PTPRD: variants seen among roughly 807,000 people sequenced by gnomAD.
PTPRD encodes the protein receptor-type tyrosine-protein phosphatase delta.
PTPRD carries 34 observed loss-of-function variants against 214.5 expected under a neutral mutation model. That is an observed-to-expected ratio of 0.16 (90% CI 0.12 to 0.21). The LOEUF is 0.21. Among genes scored for constraint, PTPRD ranks in the 10% least tolerant of loss-of-function variants. The probability of loss-of-function intolerance (pLI) is 1.00; values close to 1 mark genes in which losing one functional copy is unlikely to be tolerated. For missense variants in PTPRD, 2,545 were observed against 2,398.7 expected (o/e 1.06, Z -1.27); for synonymous variants, 1,128 against 845.7 (o/e 1.33, Z -5.79).
At chr9:10,379,444 G>C (rs1279871632) in intron 2 of PTPRD, among the ~76,000 whole-genome samples, 1 of 151,824 alleles carries the variant, frequency 6.6e-6, no homozygotes, top group African/African-American at 2.4e-5. Context: ...TTGCATTCCA[G>C]ATCTTAGAGG....
At chr9:9,406,396 T>C (rs944063997) in intron 8 of PTPRD, among the ~76,000 whole-genome samples, 1 of 151,826 alleles carries the variant, frequency 6.6e-6, no homozygotes, top group African/African-American at 2.4e-5. Flanking sequence ...ATTAAGAAAG[T>C]AAGAGATAGA....
intron 2 of PTPRD, among the ~76,000 whole-genome samples, chr9:10,559,451 A>T: frequency 6.6e-6 from 1 of 152,174 alleles, no homozygotes; most frequent in East Asian, 1.9e-4. Flanking sequence ...TTTTAAAATT[A>T]TTTTTTGTTT....
chr9:8,981,748 T>C (rs2099313860), intron 11 of PTPRD, among the ~76,000 whole-genome samples: 1 of 152,038 alleles, frequency 6.6e-6, no homozygotes, highest in Admixed American at 6.6e-5. Flanking sequence ...AGATAATATA[T>C]GTGACTATAC....
At chr9:9,800,386 A>C (rs2099031310) in intron 5 of PTPRD, among the ~76,000 whole-genome samples, 2 of 152,190 alleles carry the variant, frequency 1.3e-5, no homozygotes, top group African/African-American at 4.8e-5. Flanking sequence ...ATCTGTATTT[A>C]ATATTTCATA....
intron 9 of PTPRD, among the ~76,000 whole-genome samples, chr9:9,313,914 T>C (rs936816239): frequency 1.3e-5 from 2 of 152,156 alleles, no homozygotes; most frequent in African/African-American, 4.8e-5. Context: ...AGCATGCACA[T>C]GTGGAAACAA....
intron 12 of PTPRD, among the ~76,000 whole-genome samples, chr9:8,671,586 C>CA (rs1461237078): frequency 6.6e-6 from 1 of 152,036 alleles, no homozygotes; most frequent in African/African-American, 2.4e-5. Flanking sequence ...TGTACCTAGC[C>CA]AAATATTTTA....
At chr9:9,398,932 A>C (rs558269019) in intron 8 of PTPRD, among the ~76,000 whole-genome samples, 4 of 152,114 alleles carry the variant, frequency 2.6e-5, no homozygotes, top group Admixed American at 1.3e-4. Context: ...CTCCTAGCCA[A>C]CTATGCTAGA....
chr9:9,918,369 A>AAC (rs2081553337), intron 5 of PTPRD, among the ~76,000 whole-genome samples: 3 of 144,982 alleles, frequency 2.1e-5, no homozygotes, highest in Admixed American at 6.9e-5. Flanking sequence ...AAAAAAAAAA[A>AAC]ACTCCACAAT....
chr9:8,994,231 T>G (rs1306884860), intron 11 of PTPRD, among the ~76,000 whole-genome samples: 1 of 152,116 alleles, frequency 6.6e-6, no homozygotes, highest in African/African-American at 2.4e-5. Context: ...TTAATTTGAC[T>G]TTGCATTCGT....
chr9:9,109,809 G>T (rs931126449), intron 10 of PTPRD, among the ~76,000 whole-genome samples: 4 of 152,090 alleles, frequency 2.6e-5, no homozygotes, highest in Non-Finnish European at 5.9e-5. Flanking sequence ...GCCTAGATAT[G>T]GTGGCCTTCT....
At position 8,504,527 on chromosome 9, in the gene PTPRD, A is replaced by G. The variant is rs2097496211; in HGVS notation, c.1678-122T>C. Reference sequence around the variant, plus strand: ...TATAATCTCATCAAAATATCACCAAAAGAGTCAATAGTGAGTATCCAGGGC... The same window carrying G: ...TATAATCTCATCAAAATATCACCAAGAGAGTCAATAGTGAGTATCCAGGGC... On this transcript the variant is annotated intron_variant, in intron 22 of 45. Transcript: ENST00000381196. 4 of 1,129,948 alleles carry G rather than the reference A, an allele frequency of 3.5e-6. No individual in the cohort carries two copies. In the South Asian group the frequency reaches 5.9e-5, roughly 17 times the overall value. 70.0% of individuals were successfully genotyped at this position (1,129,948 alleles called of 1,614,324 possible).
intron 3 of PTPRD, among the ~76,000 whole-genome samples, chr9:10,188,366 TGTAAA>T (rs1279001254): frequency 6.6e-6 from 1 of 152,148 alleles, no homozygotes; most frequent in African/African-American, 2.4e-5. Flanking sequence ...AGAAATTACT[TGTAAA>T]GTAATCTGAA....
At chr9:9,175,165 G>A (rs1278887590) in intron 10 of PTPRD, among the ~76,000 whole-genome samples, 1 of 152,084 alleles carries the variant, frequency 6.6e-6, no homozygotes, top group African/African-American at 2.4e-5. Context: ...CCCAGTCTAA[G>A]GTAATTTCTT....
At chr9:8,717,777 T>C (rs1307617615) in intron 12 of PTPRD, among the ~76,000 whole-genome samples, 1 of 152,210 alleles carries the variant, frequency 6.6e-6, no homozygotes, top group Non-Finnish European at 1.5e-5. Flanking sequence ...ATCACCGTTT[T>C]ACCGGACAAG....
chr9:9,110,229 T>C (rs1330868628), intron 10 of PTPRD, among the ~76,000 whole-genome samples: 1 of 152,160 alleles, frequency 6.6e-6, no homozygotes, highest in Non-Finnish European at 1.5e-5. Flanking sequence ...TTACTTTTAA[T>C]ACTGGTGACA....
intron 21 of PTPRD, among the ~76,000 whole-genome samples, chr9:8,509,848 T>C (rs1480262406): frequency 6.6e-6 from 1 of 152,166 alleles, no homozygotes; most frequent in Non-Finnish European, 1.5e-5. Context: ...ACTGTCCTTT[T>C]TATTCTTGCA....
chr9:9,133,640 C>G (rs900147651), intron 10 of PTPRD, among the ~76,000 whole-genome samples: 1 of 152,112 alleles, frequency 6.6e-6, no homozygotes, highest in South Asian at 2.1e-4. Flanking sequence ...GTGTCAAAAT[C>G]ACTATTGGAT....
At chr9:8,801,705 G>C (rs1018417511) in intron 11 of PTPRD, among the ~76,000 whole-genome samples, 1 of 152,180 alleles carries the variant, frequency 6.6e-6, no homozygotes, top group African/African-American at 2.4e-5. Context: ...GACAGAGCAA[G>C]ACTGTCTCAA....
At chr9:9,615,567 G>A (rs2094810711) in intron 7 of PTPRD, among the ~76,000 whole-genome samples, 3 of 152,006 alleles carry the variant, frequency 2.0e-5, no homozygotes, top group African/African-American at 7.3e-5. Context: ...TTGTTTGTTT[G>A]TTTGTTCATT....
Sources: gnomAD v4.1 joint callset for allele counts (sites outside exome capture counted in the v4.1 genomes callset) on GRCh38, gnomAD v4.1.1 for gene constraint, MANE v1.5 for transcripts, NCBI Gene and HGNC (gene_info 2026-07-23, HGNC 2026-07-21) for gene names.